SLC4A7: variants seen among roughly 807,000 people sequenced by gnomAD.
SLC4A7 encodes sodium bicarbonate cotransporter 3.
SLC4A7 carries 51 observed loss-of-function variants against 137.6 expected under a neutral mutation model. The ratio of observed to expected loss-of-function variants is 0.37; its 90% CI spans 0.30 to 0.47. The LOEUF is 0.47. Among genes scored for constraint, SLC4A7 ranks in the 20% least tolerant of loss-of-function variants. The pLI, the probability that SLC4A7 is intolerant of heterozygous loss-of-function variation, is 1.00. For missense variants in SLC4A7, 1,247 were observed against 1,525.4 expected, an observed-to-expected ratio of 0.82 and a Z score of 3.04; for synonymous variants, 542 against 518.6, an observed-to-expected ratio of 1.05 and a Z score of -0.61.
At chr3:27,458,488 A>G (rs1016016762) in intron 1 of SLC4A7, among the ~76,000 whole-genome samples, 5 of 152,230 alleles carry the variant, frequency 3.3e-5, no homozygotes, top group Admixed American at 6.5e-5. Context: ...TTCTCCAAGA[A>G]CAGAAATCCC....
chr3:27,477,560 G>T (rs1488851419), intron 1 of SLC4A7, among the ~76,000 whole-genome samples: 1 of 152,098 alleles, frequency 6.6e-6, no homozygotes, highest in East Asian at 1.9e-4. Context: ...ATATTAAGCT[G>T]CATTCTCTCC....
chr3:27,391,884 G>T (rs1375539096), intron 20 of SLC4A7, 76 bp from the exon 21 acceptor site: 12 of 807,140 alleles, frequency 1.5e-5, no homozygotes, highest in Non-Finnish European at 4.0e-6. Flanking sequence ...TAATTATAGG[G>T]CTAGAATTAA....
chr3:27,460,220 G>T (rs576082026), intron 1 of SLC4A7, among the ~76,000 whole-genome samples: 1 of 151,950 alleles, frequency 6.6e-6, no homozygotes, highest in African/African-American at 2.4e-5. Flanking sequence ...TTTAAGTAGA[G>T]ACCAGGTTTC....
At chr3:27,460,994 A>T (rs1400508236) in intron 1 of SLC4A7, among the ~76,000 whole-genome samples, 2 of 152,212 alleles carry the variant, frequency 1.3e-5, no homozygotes, top group African/African-American at 4.8e-5. Context: ...TTCAAAAGTA[A>T]TAAAATTATA....
chr3:27,432,884 AAG>A (rs1253870313), intron 6 of SLC4A7, among the ~76,000 whole-genome samples: 3 of 152,158 alleles, frequency 2.0e-5, no homozygotes, highest in African/African-American at 7.2e-5. Flanking sequence ...AAAGACAAAA[AAG>A]AGAGTTAAAA....
At chr3:27,388,358 A>G (rs2051183607) in intron 22 of SLC4A7, among the ~76,000 whole-genome samples, 1 of 151,416 alleles carries the variant, frequency 6.6e-6, no homozygotes. Context: ...ATAACTTGTC[A>G]GTGTTTTTTG....
chr3:27,418,936 G>A (rs918228409), intron 10 of SLC4A7, among the ~76,000 whole-genome samples: 1 of 152,190 alleles, frequency 6.6e-6, no homozygotes, highest in Non-Finnish European at 1.5e-5. Flanking sequence ...ACTGTAGCGT[G>A]TCATTCTACT....
chr3:27,384,476 A>C (rs2050738185), intron 23 of SLC4A7, among the ~76,000 whole-genome samples: 1 of 152,166 alleles, frequency 6.6e-6, no homozygotes, highest in Non-Finnish European at 1.5e-5. Context: ...TGTGGGGCTT[A>C]ACACTGCATC....
chr3:27,421,616 CTT>C lies in SLC4A7; in HGVS notation c.1424+4_1424+5del, dbSNP rs775094996. 1 of 1,607,740 alleles carries C rather than the reference CTT, an allele frequency of 6.2e-7. No individual in the cohort carries two copies. The highest frequency in any genetic ancestry group is 8.5e-7 in the Non-Finnish European group (1 of 1,176,958). On this transcript the variant is annotated splice_donor_5th_base_variant and intron_variant, in intron 9 of 25. Coordinates refer to ENST00000454389, the MANE Select transcript of SLC4A7 (RefSeq NM_001321103.2). ...TAGAGAATGTTACTTGGAACTAACT[CTT>C]TACCTGGTTGGAACAGGGACCTCAG...
At chr3:27,379,164 T>C (rs2050175458) in intron 25 of SLC4A7, 85 bp downstream of exon 25, 1 of 705,062 alleles carries the variant, frequency 1.4e-6, no homozygotes, top group Non-Finnish European at 2.5e-6. Context: ...ATTAAAATGA[T>C]GGATGAAAGA....
chr3:27,431,774 G>A, intron 6 of SLC4A7, 105 bp from the exon 7 acceptor site: 3 of 1,194,146 alleles, frequency 2.5e-6, no homozygotes, highest in Non-Finnish European at 2.2e-6. Context: ...TACTTCAAAG[G>A]CCCAAAATTT....
At position 27,448,676 on chromosome 3, in the gene SLC4A7, T is replaced by A. The variant is rs987409879; in HGVS notation, c.264A>T (p.Glu88Asp). 6 of 1,612,842 alleles carry A rather than the reference T, an allele frequency of 3.7e-6. No individual in the cohort carries two copies. Among genetic ancestry groups the A allele is most frequent in the South Asian group, 2.2e-5 (2 of 91,016 alleles). The stretch of plus-strand genomic sequence containing the variant: ...CATAAGAAGGAGATTCCCGTCCATC[T>A]TCTTTATCTGATTCTTTATCTTTTC... ...RRRKDKESDK[E>D]DGRESPSYDT... is the part of the protein sequence containing the mutation. The change falls in exon 3 of 26, where the codon GAA (glutamate) becomes GAT (aspartate). Residue 88 changes from glutamate (E) to aspartate (D), a missense_variant. This residue lies in a region of SLC4A7 where 176 missense variants were observed against 186.4 expected (regional missense o/e 0.94). Coordinates refer to ENST00000454389, the MANE Select transcript of SLC4A7 (RefSeq NM_001321103.2).
At chr3:27,420,654 G>T in intron 10 of SLC4A7, 46 bp downstream of exon 10, 2 of 1,182,390 alleles carry the variant, frequency 1.7e-6, no homozygotes, top group Non-Finnish European at 1.3e-6. Flanking sequence ...ACTATATGCT[G>T]CATAATTAGT....
chr3:27,477,099 C>A (rs901356004), intron 1 of SLC4A7, among the ~76,000 whole-genome samples: 1 of 152,232 alleles, frequency 6.6e-6, no homozygotes, highest in African/African-American at 2.4e-5. Flanking sequence ...GAAACTACTA[C>A]AGCTAACTCT....
intron 2 of SLC4A7, among the ~76,000 whole-genome samples, chr3:27,450,794 T>C (rs997516531): frequency 6.6e-6 from 1 of 152,142 alleles, no homozygotes; most frequent in African/African-American, 2.4e-5. Flanking sequence ...CTTTCCTTTT[T>C]CTTCTGCCCT....
rs373397184 is a variant in SLC4A7, at chr3:27,421,728, C to T, written c.1318G>A (p.Val440Ile). 24 of 1,613,562 alleles carry T rather than the reference C, an allele frequency of 1.5e-5. No individual in the cohort carries two copies. The highest frequency in any genetic ancestry group is 1.2e-4 in the African/African-American group (9 of 74,888). ...KIPTGAEASN[V>I]LVGEVDFLER... ...AAAAAGTCTACTTCGCCCACCAGGA[C>T]GTTGGATGCCTCAGCACCCGTAGGA... is the stretch of plus-strand genomic sequence containing the variant. Residue 440 changes from valine to isoleucine, a missense_variant, in exon 9 of 26, where the codon GTC becomes ATC. Physicochemically the swap from Val to Ile is conservative, Grantham distance 29. Transcript: ENST00000454389.
chr3:27,402,095 G>C (rs1001353276), intron 15 of SLC4A7, among the ~76,000 whole-genome samples: 1 of 152,130 alleles, frequency 6.6e-6, no homozygotes, highest in Non-Finnish European at 1.5e-5. Context: ...TAGGTGGGTA[G>C]AAAAAGAAAA....
Position 27,376,640 on chromosome 3 carries a change from T to C in SLC4A7, c.*124A>G, listed in dbSNP as rs954278878. On this transcript the variant is annotated 3_prime_UTR_variant, in exon 26 of 26. Transcript: ENST00000454389. Reference sequence around the variant, plus strand: ...GGTGCTCATTACAAACTCCAGACACTACTTTTAAAAACCCGGTAGTCACAC... The same window carrying C: ...GGTGCTCATTACAAACTCCAGACACCACTTTTAAAAACCCGGTAGTCACAC... 1.1e-5 allele frequency: 6 copies of C among 559,954 alleles called. No homozygotes were observed. The highest frequency in any genetic ancestry group is 3.3e-5 in the East Asian group (1 of 30,022). The allele number at this position is 559,954 out of a possible 1,614,324, so 34.7% of individuals were successfully genotyped here. A position where few individuals can be genotyped will look rare whatever the true frequency, so the allele number is the denominator to read the frequency against.
chr3:27,443,314 G>A (rs1379786818), intron 3 of SLC4A7, among the ~76,000 whole-genome samples: 1 of 152,130 alleles, frequency 6.6e-6, no homozygotes, highest in Admixed American at 6.6e-5. Context: ...ACAGGCATGA[G>A]CCACCAGGCT....
Sources: gnomAD v4.1 joint callset for allele counts (sites outside exome capture counted in the v4.1 genomes callset) on GRCh38, gnomAD v4.1.1 for gene constraint, gnomAD v4.1.1 regional missense constraint, MANE v1.5 for transcripts, NCBI Gene and HGNC (gene_info 2026-07-23, HGNC 2026-07-21) for gene names.